The following TRPM3 variants were observed in gnomAD, a reference collection of about 807,000 sequenced individuals.
TRPM3 encodes the protein transient receptor potential cation channel subfamily M member 3.
Under a neutral mutation model 181.2 loss-of-function variants are expected in TRPM3, and 77 were observed. The observed-to-expected ratio is 0.42, with a 90% CI of 0.35 to 0.51. TRPM3 has a LOEUF of 0.51. Ranked by LOEUF, TRPM3 falls within the 20% of genes least tolerant of loss-of-function variation. The probability of loss-of-function intolerance (pLI) is 0.01; values close to 1 mark genes in which losing one functional copy is unlikely to be tolerated. For missense variants in TRPM3, 1,759 were observed against 2,196.7 expected (o/e 0.80, Z 3.98); for synonymous variants, 745 against 796.4 (o/e 0.94, Z 1.09).
chr9:71,118,930 A>T (rs1326686308), intron 1 of TRPM3, among the ~76,000 whole-genome samples: 1 of 152,222 alleles, frequency 6.6e-6, no homozygotes, highest in East Asian at 1.9e-4. Flanking sequence ...ATTATTATTC[A>T]TGAACTTACA....
intron 1 of TRPM3, among the ~76,000 whole-genome samples, chr9:71,046,080 C>T (rs574800457): frequency 1.4e-4 from 22 of 151,828 alleles, no homozygotes; most frequent in Middle Eastern, 3.4e-3. Context: ...TTGAATCCAC[C>T]TCCCAGATTC....
intron 1 of TRPM3, among the ~76,000 whole-genome samples, chr9:71,298,592 T>A (rs2086499536): frequency 1.3e-5 from 2 of 151,922 alleles, no homozygotes; most frequent in Admixed American, 6.6e-5. Context: ...ATCTACTTTT[T>A]AAAAAAAATC....
intron 1 of TRPM3, among the ~76,000 whole-genome samples, chr9:71,186,289 T>C (rs1000196254): frequency 6.6e-6 from 1 of 152,036 alleles, no homozygotes; most frequent in Admixed American, 6.6e-5. Context: ...CTAGAAACCA[T>C]GTTTAGTCCC....
intron 6 of TRPM3, among the ~76,000 whole-genome samples, chr9:70,793,105 G>A (rs1214695829): frequency 6.6e-6 from 1 of 151,982 alleles, no homozygotes; most frequent in African/African-American, 2.4e-5. Context: ...TAAAAATAGG[G>A]TGGGCTATAA....
intron 22 of TRPM3, among the ~76,000 whole-genome samples, chr9:70,567,849 C>T (rs2051049396): frequency 6.6e-6 from 1 of 152,144 alleles, no homozygotes; most frequent in Admixed American, 6.5e-5. Flanking sequence ...TTCTCTACAT[C>T]TTGTGCAACT....
intron 1 of TRPM3, among the ~76,000 whole-genome samples, chr9:71,408,628 T>C (rs1201803673): frequency 2.0e-5 from 3 of 152,310 alleles, no homozygotes; most frequent in South Asian, 2.1e-4. Flanking sequence ...CTACGTTTGA[T>C]TGGTGTACCT....
chr9:70,820,008 A>G (rs193105849), intron 6 of TRPM3, among the ~76,000 whole-genome samples: 1 of 152,320 alleles, frequency 6.6e-6, no homozygotes, highest in East Asian at 1.9e-4. Context: ...ATTTCAAAAT[A>G]TAGTCTCGGT....
intron 1 of TRPM3, among the ~76,000 whole-genome samples, chr9:71,260,573 T>C (rs2082976083): frequency 6.6e-6 from 1 of 152,226 alleles, no homozygotes; most frequent in South Asian, 2.1e-4. Flanking sequence ...TGGTCTGTAG[T>C]TCTCCTTAAA....
chr9:71,337,195 G>A (rs928234778), intron 1 of TRPM3, among the ~76,000 whole-genome samples: 5 of 151,638 alleles, frequency 3.3e-5, no homozygotes, highest in African/African-American at 1.2e-4. Flanking sequence ...CATCGACAAA[G>A]GGCTAATATC....
At chr9:71,421,734 T>A (rs1005394330) in intron 1 of TRPM3, among the ~76,000 whole-genome samples, 2 of 152,052 alleles carry the variant, frequency 1.3e-5, no homozygotes, top group African/African-American at 4.8e-5. Context: ...GCTACAGACC[T>A]GTACATCATG....
At chr9:70,782,074 A>G (rs2082584097) in intron 7 of TRPM3, among the ~76,000 whole-genome samples, 1 of 152,232 alleles carries the variant, frequency 6.6e-6, no homozygotes, top group South Asian at 2.1e-4. Context: ...TAGGAATACC[A>G]TAAAATAATT....
intron 1 of TRPM3, among the ~76,000 whole-genome samples, chr9:71,313,514 ACAT>A (rs2088215072): frequency 6.6e-6 from 1 of 152,148 alleles, no homozygotes; most frequent in Admixed American, 6.6e-5. Context: ...AAAATAAATC[ACAT>A]CATATTTTAA....
chr9:70,664,464 A>T (rs1487846193), intron 9 of TRPM3, among the ~76,000 whole-genome samples: 2 of 152,120 alleles, frequency 1.3e-5, no homozygotes, highest in East Asian at 3.9e-4. Context: ...ATGTAAATTT[A>T]TTGCAGTGCA....
chr9:70,976,962 A>C (rs1194387246), intron 1 of TRPM3, among the ~76,000 whole-genome samples: 6 of 152,196 alleles, frequency 3.9e-5, no homozygotes, highest in African/African-American at 1.4e-4. Context: ...GTGAATCACC[A>C]CAGTGCTATT....
chr9:70,638,668 A>C lies in TRPM3; in HGVS notation c.1581+392T>G, dbSNP rs140454732. Among the ~76,000 whole-genome samples, 58 of 152,324 alleles carry C rather than the reference A, an allele frequency of 3.8e-4. 1 individual carries two copies. The highest frequency in any genetic ancestry group is 1.3e-3 in the African/African-American group (53 of 41,572). ...GAATGAACTTCATAGCTCTGAGGAT[A>C]AAAAATGGCGCAGGTTACTTAATCA... On this transcript the variant is annotated intron_variant, in intron 11 of 25. Coordinates refer to ENST00000677713, the MANE Select transcript of TRPM3 (RefSeq NM_001366145.2).
In TRPM3 at chr9:70,535,996, G is replaced by C; in HGVS notation, c.5117C>G (p.Ser1706Cys). ...AAAGCTTTGGAAAGCCGATGTTCTG[G>C]ACAGTCTCCTCATGGACAGGCTGTC... ...RGDSLSMRRL[S>C]RTSAFQSFES... The change falls in exon 26 of 26, where the codon TCC (serine) becomes TGC (cysteine). Residue 1706 changes from serine (S) to cysteine (C), a missense_variant. Around this residue, in one of 8 missense-constraint regions of TRPM3, gnomAD observed 612 missense variants for 590.0 expected, o/e 1.04. Coordinates refer to ENST00000677713, the MANE Select transcript of TRPM3 (RefSeq NM_001366145.2). The C allele has an allele frequency of 1.2e-6, 2 of 1,612,996 alleles. No individual in the cohort carries two copies. Among genetic ancestry groups the C allele is most frequent in the Non-Finnish European group, 1.7e-6 (2 of 1,179,508 alleles).
intron 1 of TRPM3, among the ~76,000 whole-genome samples, chr9:71,404,380 T>C (rs909636276): frequency 9.2e-5 from 14 of 152,216 alleles, no homozygotes; most frequent in South Asian, 2.1e-4. Context: ...CTGAACAACA[T>C]AGTATAACAT....
chr9:70,847,657 A>C (rs189981061), intron 3 of TRPM3, among the ~76,000 whole-genome samples: 1 of 140,920 alleles, frequency 7.1e-6, no homozygotes, highest in Admixed American at 7.3e-5. Context: ...ATAAGAAAGA[A>C]AAAAATTAAA....
At chr9:71,210,483 G>A (rs1413291165) in intron 1 of TRPM3, among the ~76,000 whole-genome samples, 5 of 152,106 alleles carry the variant, frequency 3.3e-5, no homozygotes, top group Non-Finnish European at 7.3e-5. Context: ...CCGGTCCCTG[G>A]TGCCCAAAAG....
Sources: allele counts gnomAD v4.1 joint callset (sites outside exome capture counted in the v4.1 genomes callset), GRCh38; gene constraint gnomAD v4.1.1; regional missense constraint gnomAD v4.1.1; transcripts MANE v1.5; gene names NCBI Gene and HGNC (gene_info 2026-07-23, HGNC 2026-07-21).